POLR2F: variants seen among roughly 807,000 people sequenced by gnomAD.
POLR2F encodes the protein RNA polymerase II, I and III subunit F.
In POLR2F, 12 loss-of-function variants were observed where a neutral mutation model predicts 22.7. The ratio of observed to expected loss-of-function variants is 0.53; its 90% CI spans 0.34 to 0.86. The LOEUF is 0.86. Among genes scored for constraint, POLR2F ranks in the 40% least tolerant of loss-of-function variants. The probability of loss-of-function intolerance (pLI) is 0.02; values close to 1 mark genes in which losing one functional copy is unlikely to be tolerated. For synonymous variants in POLR2F, 57 were observed against 66.0 expected (o/e 0.86, Z 0.66); for missense variants, 126 against 171.5 (o/e 0.73, Z 1.48).
chr22:37,992,559 TAA>T (rs2145790054), intron 1 of POLR2F, among the ~76,000 whole-genome samples: 1 of 152,286 alleles, frequency 6.6e-6, no homozygotes, highest in South Asian at 2.1e-4. Context: ...CATGCTTTGC[TAA>T]TTTTTATACT....
chr22:38,039,632 C>T (rs925931818), intron 5 of POLR2F, among the ~76,000 whole-genome samples: 2 of 152,210 alleles, frequency 1.3e-5, no homozygotes, highest in Non-Finnish European at 2.9e-5. Context: ...CAAGAGGCAC[C>T]CCTTCCACCC....
intron 1 of POLR2F, among the ~76,000 whole-genome samples, chr22:38,011,206 A>T (rs932194596): frequency 2.6e-5 from 4 of 152,012 alleles, no homozygotes; most frequent in Non-Finnish European, 1.5e-5. Context: ...GGCTCAAGTG[A>T]TCCTCCCACC....
intron 2 of POLR2F, among the ~76,000 whole-genome samples, chr22:37,959,062 T>C (rs1931518090): frequency 6.6e-6 from 1 of 152,166 alleles, no homozygotes; most frequent in Non-Finnish European, 1.5e-5. Context: ...TGCTCTCTTC[T>C]GGATGAGGCA....
intron 1 of POLR2F, among the ~76,000 whole-genome samples, chr22:37,992,501 TCTC>T: frequency 6.6e-6 from 1 of 152,170 alleles, no homozygotes; most frequent in East Asian, 1.9e-4. Context: ...TTCAAGCAAT[TCTC>T]CTGCCTCAGC....
intron 1 of POLR2F, among the ~76,000 whole-genome samples, chr22:38,009,167 G>C (rs1483254738): frequency 6.6e-6 from 1 of 152,206 alleles, no homozygotes; most frequent in East Asian, 1.9e-4. Flanking sequence ...TGAGCGAGGG[G>C]GACAGAGAGG....
At chr22:37,977,382 G>A (rs1223497474) in intron 4 of POLR2F, among the ~76,000 whole-genome samples, 1 of 150,788 alleles carries the variant, frequency 6.6e-6, no homozygotes, top group Non-Finnish European at 1.5e-5. Context: ...GTGCAGTGGC[G>A]CGATCCCGGC....
chr22:37,967,753 T>A lies in POLR2F; in HGVS notation c.*38T>A, dbSNP rs372883281. The stretch of plus-strand genomic sequence containing the variant: ...TTCCTGCCCTTGCCCCATGCCCAAT[T>A]TTCATTCTCACTTTATATGTGTAAA... On this transcript the variant is annotated 3_prime_UTR_variant, in exon 5 of 5. Coordinates refer to ENST00000442738, the MANE Select transcript of POLR2F (RefSeq NM_021974.5). The A allele has an allele frequency of 1.1e-5, 18 of 1,591,514 alleles. No homozygotes were observed. In the African/African-American group the frequency reaches 1.9e-4, roughly 17 times the overall value.
chr22:38,018,782 A>T (rs1449821329), intron 1 of POLR2F, among the ~76,000 whole-genome samples: 2 of 152,082 alleles, frequency 1.3e-5, no homozygotes, highest in Non-Finnish European at 2.9e-5. Context: ...AGCAGTGGGG[A>T]GATGAGGCCA....
intron 1 of POLR2F, among the ~76,000 whole-genome samples, chr22:37,992,221 C>A (rs1396962330): frequency 4.6e-5 from 7 of 152,136 alleles, no homozygotes; most frequent in African/African-American, 1.4e-4. Context: ...TCTCAGCTTC[C>A]TTCCAGGTTG....
intron 1 of POLR2F, among the ~76,000 whole-genome samples, chr22:38,022,662 A>G (rs1319791353): frequency 6.6e-6 from 1 of 152,110 alleles, no homozygotes; most frequent in Admixed American, 6.6e-5. Flanking sequence ...TACATGTTTT[A>G]CTATGCTCAA....
chr22:37,956,949 C>T (rs777917563), intron 2 of POLR2F, 107 bp downstream of exon 2: 59 of 850,900 alleles, frequency 6.9e-5, no homozygotes, highest in Non-Finnish European at 8.6e-5. Context: ...GTCAAGGCCC[C>T]TGCCATAAGC....
In POLR2F at chr22:37,980,939, C is replaced by A. The variant is rs1932377404; in HGVS notation, c.293+13769C>A. Among the ~76,000 whole-genome samples, 1 of 152,216 alleles carries A rather than the reference C, an allele frequency of 6.6e-6. No individual in the cohort carries two copies. The highest frequency in any genetic ancestry group is 2.4e-5 in the African/African-American group (1 of 41,452). On this transcript the variant is annotated intron_variant, in intron 4 of 4. Transcript: ENST00000405557. The surrounding 1 kb of genome is among the most constrained non-coding windows in gnomAD (Gnocchi z 4.1). Reference sequence around the variant, plus strand: ...CCCCACCACACAGGAGGGACTCTTGCCTGTGTCCGCCTTTCCAGTTTCTTG... The same window carrying A: ...CCCCACCACACAGGAGGGACTCTTGACTGTGTCCGCCTTTCCAGTTTCTTG...
chr22:37,998,834 GGGAGA>G (rs879845284), intron 1 of POLR2F, among the ~76,000 whole-genome samples: 120 of 151,980 alleles, frequency 7.9e-4, no homozygotes, highest in African/African-American at 1.1e-3. Context: ...GAGAGAGAGA[GGGAGA>G]GGAGAGGAGA....
At chr22:38,015,763 A>G (rs957768940) in intron 1 of POLR2F, among the ~76,000 whole-genome samples, 1 of 152,170 alleles carries the variant, frequency 6.6e-6, no homozygotes, top group African/African-American at 2.4e-5. Flanking sequence ...CACCTGTCTA[A>G]CCTTAACCAT....
chr22:38,028,910 G>A (rs1316590865), downstream of POLR2F, among the ~76,000 whole-genome samples: 1 of 152,206 alleles, frequency 6.6e-6, no homozygotes, highest in East Asian at 1.9e-4. Flanking sequence ...TGCAAGCCCC[G>A]GCCACTCCAT....
chr22:37,981,703 C>T (rs1284020800), upstream of POLR2F, among the ~76,000 whole-genome samples: 2 of 152,216 alleles, frequency 1.3e-5, no homozygotes, highest in Non-Finnish European at 2.9e-5. Context: ...CTCACTTGCT[C>T]TTTGTCCCCT....
At chr22:37,999,871 T>C (rs992231879) in intron 1 of POLR2F, among the ~76,000 whole-genome samples, 2 of 152,156 alleles carry the variant, frequency 1.3e-5, no homozygotes, top group Admixed American at 6.5e-5. Flanking sequence ...TTATTTTTAT[T>C]GTGATGATTA....
At position 37,968,173 on chromosome 22, in the gene POLR2F, G is replaced by T; in HGVS notation, c.*458G>T. 1 of 985,628 alleles carries T rather than the reference G, an allele frequency of 1.0e-6. No individual in the cohort carries two copies. Among genetic ancestry groups the T allele is most frequent in the South Asian group, 4.7e-5 (1 of 21,308 alleles). The allele number at this position is 985,628 out of a possible 1,614,324, so 61.1% of individuals were successfully genotyped here. On this transcript the variant is annotated 3_prime_UTR_variant, in exon 5 of 5. Transcript: ENST00000442738. The stretch of plus-strand genomic sequence containing the variant: ...GCCACCCATTGTTTCCTAAGGACCT[G>T]CTTCGAGCCTCTTATCGTGGGCTCG...
At chr22:37,983,809 C>A, upstream of POLR2F, 1 of 1,406,774 alleles carries the variant, frequency 7.1e-7, no homozygotes, top group Non-Finnish European at 9.3e-7. This position sits in a 1 kb window ranked among gnomAD's most constrained non-coding sequence, Gnocchi z 9.5. Context: ...CCGCCGCCGC[C>A]GCCTCGGCCG....
Sources: gnomAD v4.1 joint callset for allele counts (sites outside exome capture counted in the v4.1 genomes callset) on GRCh38, gnomAD v4.1.1 for gene constraint, Gnocchi (gnomAD v3.1) non-coding constraint, MANE v1.5 for transcripts, NCBI Gene and HGNC (gene_info 2026-07-23, HGNC 2026-07-21) for gene names.